STK39: variants seen among roughly 807,000 people sequenced by gnomAD.
STK39 encodes the protein STE20/SPS1-related proline-alanine-rich protein kinase.
STK39 carries 20 observed loss-of-function variants against 77.8 expected under a neutral mutation model. The ratio of observed to expected loss-of-function variants is 0.26; its 90% CI spans 0.18 to 0.37. The LOEUF (loss-of-function observed/expected upper bound fraction) is 0.37, where lower values mean the gene tolerates loss of function less well. Among genes scored for constraint, STK39 ranks in the 10% least tolerant of loss-of-function variants. STK39 has a pLI of 1.00. For missense variants in STK39, 479 were observed against 656.5 expected (o/e 0.73, Z 2.95); for synonymous variants, 246 against 234.1 (o/e 1.05, Z -0.47).
chr2:168,113,635 T>C (rs544631207), intron 10 of STK39, among the ~76,000 whole-genome samples: 3 of 152,366 alleles, frequency 2.0e-5, no homozygotes, highest in South Asian at 2.1e-4. Flanking sequence ...CTTAGCAATA[T>C]GGCTTCCTCT....
chr2:168,064,188 A>G (rs1047665481), intron 13 of STK39, among the ~76,000 whole-genome samples: 1 of 152,208 alleles, frequency 6.6e-6, no homozygotes, highest in Non-Finnish European at 1.5e-5. Flanking sequence ...TTCTCTGAAT[A>G]ACGCCTGCCG....
chr2:168,017,739 G>GAAA (rs1262261749), intron 14 of STK39, among the ~76,000 whole-genome samples: 2 of 151,674 alleles, frequency 1.3e-5, no homozygotes, highest in East Asian at 3.9e-4. Context: ...TTTTTTTCTT[G>GAAA]AAAAATACTA....
intron 4 of STK39, among the ~76,000 whole-genome samples, chr2:168,162,900 G>A (rs1688610630): frequency 6.6e-6 from 1 of 151,776 alleles, no homozygotes; most frequent in Non-Finnish European, 1.5e-5. Flanking sequence ...GGTGCCGCAT[G>A]CCTGTAATCC....
At chr2:168,000,255 T>C (rs1683966819) in intron 16 of STK39, among the ~76,000 whole-genome samples, 1 of 152,228 alleles carries the variant, frequency 6.6e-6, no homozygotes, top group Non-Finnish European at 1.5e-5. Flanking sequence ...AGTTCTATAT[T>C]TCTGACATAA....
chr2:168,057,845 C>T (rs1228865442), intron 14 of STK39, among the ~76,000 whole-genome samples: 1 of 152,144 alleles, frequency 6.6e-6, no homozygotes, highest in African/African-American at 2.4e-5. Context: ...CTGCCTTCCC[C>T]TGATGGTAGC....
At chr2:168,196,246 A>G (rs1253415720) in intron 1 of STK39, among the ~76,000 whole-genome samples, 3 of 152,258 alleles carry the variant, frequency 2.0e-5, no homozygotes, top group Non-Finnish European at 4.4e-5. Context: ...TTCATTGAAC[A>G]TATTTCACTG....
At position 168,242,561 on chromosome 2, in the gene STK39, ATATATATATATATATATAT is replaced by A. The variant is rs368066980; in HGVS notation, c.208+4648_208+4666del. On this transcript the variant is annotated intron_variant, in intron 1 of 17. Coordinates refer to ENST00000355999, the MANE Select transcript of STK39 (RefSeq NM_013233.3). Reference sequence around the variant, plus strand: ...AAGACTCTTACAAAAAAAAAAAAAAATATATATATATATATATATATATATATATATATATAAAGAGGCC... The same window carrying A: ...AAGACTCTTACAAAAAAAAAAAAAAAATATATATATATATATAAAGAGGCC... 2.3e-3 allele frequency among the ~76,000 whole-genome samples: 154 copies of A among 68,270 alleles called. 13 individuals carry two copies. The East Asian group carries it at 0.074, about 33-fold the overall frequency. The allele number at this position is 68,270 out of a possible 152,430, so 44.8% of individuals were successfully genotyped here. A position where few individuals can be genotyped will look rare whatever the true frequency, so the allele number is the denominator to read the frequency against.
intron 2 of STK39, among the ~76,000 whole-genome samples, chr2:168,169,631 C>CGTGTGTGT (rs10611769): frequency 0.011 from 1,650 of 145,886 alleles, 24 homozygotes; most frequent in African/African-American, 0.031. Flanking sequence ...TTGCAGTGAG[C>CGTGTGTGT]GTGTGTGTGT....
At chr2:168,154,692 T>A (rs1055224883) in intron 5 of STK39, among the ~76,000 whole-genome samples, 1 of 131,454 alleles carries the variant, frequency 7.6e-6, no homozygotes, top group Non-Finnish European at 1.5e-5. Flanking sequence ...AGTTGACTGT[T>A]TAATGTGTCA....
intron 16 of STK39, among the ~76,000 whole-genome samples, chr2:167,997,013 C>A (rs537421494): frequency 6.6e-6 from 1 of 150,384 alleles, no homozygotes; most frequent in African/African-American, 2.5e-5. Context: ...AGACTTACCT[C>A]CAGGCTCACT....
chr2:167,972,819 A>T (rs1692386929), intron 16 of STK39, among the ~76,000 whole-genome samples: 2 of 152,180 alleles, frequency 1.3e-5, no homozygotes, highest in African/African-American at 4.8e-5. Flanking sequence ...TTCCTCATGG[A>T]ACCCCAGGAA....
intron 10 of STK39, among the ~76,000 whole-genome samples, chr2:168,090,382 C>T (rs1686487180): frequency 6.6e-6 from 1 of 152,192 alleles, no homozygotes. Context: ...AAACTTCTCC[C>T]CATCTTCCCT....
chr2:168,186,800 G>A (rs1239675178), intron 1 of STK39, among the ~76,000 whole-genome samples: 1 of 152,132 alleles, frequency 6.6e-6, no homozygotes, highest in Non-Finnish European at 1.5e-5. Flanking sequence ...TGGCACCCAA[G>A]GGAAAAGAGG....
Position 168,013,830 on chromosome 2 carries a change from GTGTGTA to G in STK39, c.1430-1134_1430-1129del, listed in dbSNP as rs1323140838. Among the ~76,000 whole-genome samples, 618 of 106,810 alleles carry G rather than the reference GTGTGTA, an allele frequency of 5.8e-3. 7 individuals carry two copies. The highest frequency in any genetic ancestry group is 0.02 in the African/African-American group (588 of 28,950). The allele number at this position is 106,810 out of a possible 152,430, so 70.1% of individuals were successfully genotyped here. A position where few individuals can be genotyped will look rare whatever the true frequency, so the allele number is the denominator to read the frequency against. ...TGTGTGTGTGTGTGTGTGTGTGTGT[GTGTGTA>G]TGTGTTTGCATATGTGCATATACAT... On this transcript the variant is annotated intron_variant, in intron 15 of 17. Coordinates refer to ENST00000355999, the MANE Select transcript of STK39 (RefSeq NM_013233.3).
chr2:168,101,326 G>C (rs987357990), intron 10 of STK39, among the ~76,000 whole-genome samples: 1 of 152,104 alleles, frequency 6.6e-6, no homozygotes, highest in Non-Finnish European at 1.5e-5. Context: ...TGCACGTTCT[G>C]TACATGTATC....
rs201693875 is a variant in STK39 at position 168,003,879 on chromosome 2, A to G, written c.1498+8755T>C. On this transcript the variant is annotated intron_variant, in intron 16 of 17. Transcript: ENST00000355999. ...GAATGCTTTTCTTCACTGAAAGTCAATATCAGTGAATATCACAGCATAATC... is the reference window on the plus strand; with the variant it reads ...GAATGCTTTTCTTCACTGAAAGTCAGTATCAGTGAATATCACAGCATAATC... 5.3e-5 allele frequency among the ~76,000 whole-genome samples: 8 copies of G among 152,374 alleles called. No individual in the cohort carries two copies. The Middle Eastern group carries it at 0.01, about 194-fold the overall frequency.
chr2:167,989,536 C>A (rs571940359), intron 16 of STK39, among the ~76,000 whole-genome samples: 3 of 152,202 alleles, frequency 2.0e-5, no homozygotes, highest in African/African-American at 4.8e-5. Flanking sequence ...AAATTTGGCA[C>A]CTGAGGGGTC....
At chr2:168,193,947 C>A (rs1689404744) in intron 1 of STK39, among the ~76,000 whole-genome samples, 1 of 152,146 alleles carries the variant, frequency 6.6e-6, no homozygotes, top group Non-Finnish European at 1.5e-5. Context: ...GAGTTTAGGC[C>A]CCCATGGAAG....
At chr2:168,234,528 T>C (rs192588476) in intron 1 of STK39, among the ~76,000 whole-genome samples, 28 of 152,280 alleles carry the variant, frequency 1.8e-4, no homozygotes, top group Admixed American at 3.3e-4. Flanking sequence ...TGATCAGTCA[T>C]GGTGTATGTC....
Sources: gnomAD v4.1 joint callset for allele counts (sites outside exome capture counted in the v4.1 genomes callset) on GRCh38, gnomAD v4.1.1 for gene constraint, MANE v1.5 for transcripts, NCBI Gene and HGNC (gene_info 2026-07-23, HGNC 2026-07-21) for gene names.